FHIT: variants seen among roughly 807,000 people sequenced by gnomAD.
FHIT encodes fragile histidine triad diadenosine triphosphatase, also known as bis(5'-adenosyl)-triphosphatase.
In FHIT, 19 loss-of-function variants were observed where a neutral mutation model predicts 17.9. The ratio of observed to expected loss-of-function variants is 1.06; its 90% CI spans 0.74 to 1.56. The LOEUF is 1.56. Among genes scored for constraint, FHIT ranks in the 40% most tolerant of loss-of-function variants. FHIT has a pLI of 0.00. For missense variants in FHIT, 248 were observed against 189.2 expected (o/e 1.31, Z -1.82); for synonymous variants, 81 against 69.7 (o/e 1.16, Z -0.81).
intron 8 of FHIT, among the ~76,000 whole-genome samples, chr3:59,812,443 A>C (rs570727833): frequency 9.8e-5 from 15 of 152,308 alleles, no homozygotes; most frequent in African/African-American, 3.6e-4. Flanking sequence ...CTAAAAGCCA[A>C]GCGCTGGGCA....
intron 3 of FHIT, among the ~76,000 whole-genome samples, chr3:60,966,121 C>T (rs1255050765): frequency 2.6e-5 from 4 of 152,192 alleles, no homozygotes; most frequent in Admixed American, 6.5e-5. Flanking sequence ...TGTTTACCCA[C>T]TCAAGCCTCA....
At chr3:59,988,024 CTT>C (rs1323867223) in intron 7 of FHIT, among the ~76,000 whole-genome samples, 1 of 152,034 alleles carries the variant, frequency 6.6e-6, no homozygotes, top group African/African-American at 2.4e-5. Flanking sequence ...AAGTCCCTCT[CTT>C]TTGTTTCCTG....
chr3:60,907,145 C>CA (rs548321154), intron 3 of FHIT, among the ~76,000 whole-genome samples: 235 of 150,594 alleles, frequency 1.6e-3, no homozygotes, highest in Non-Finnish European at 2.0e-3. Context: ...AAACACAAAA[C>CA]AAAAAAAAAC....
chr3:60,738,229 C>T (rs1289080315), intron 4 of FHIT, among the ~76,000 whole-genome samples: 3 of 152,104 alleles, frequency 2.0e-5, no homozygotes, highest in Non-Finnish European at 2.9e-5. Context: ...CAGAGCTGTG[C>T]GAACATGATA....
At position 60,666,727 on chromosome 3, in the gene FHIT, G is replaced by A. The variant is rs560647102; in HGVS notation, c.-17-129748C>T. 8.2e-4 allele frequency among the ~76,000 whole-genome samples: 125 copies of A among 152,256 alleles called. 1 individual carries two copies. The highest frequency in any genetic ancestry group is 1.1e-3 in the Non-Finnish European group (74 of 68,020). On this transcript the variant is annotated intron_variant, in intron 4 of 9. Coordinates refer to ENST00000492590, the MANE Select transcript of FHIT (RefSeq NM_002012.4). ...TCTATCACCCAGGCTGGAGTATAGT[G>A]GCACAATCACAGCTCACTGCATGCA...
intron 7 of FHIT, among the ~76,000 whole-genome samples, chr3:59,933,538 G>T (rs1268845543): frequency 6.6e-6 from 1 of 152,048 alleles, no homozygotes; most frequent in Non-Finnish European, 1.5e-5. Context: ...TCACCAAGCT[G>T]GCAAAAGTGG....
At chr3:61,135,996 A>G (rs1264282047) in intron 2 of FHIT, among the ~76,000 whole-genome samples, 1 of 152,150 alleles carries the variant, frequency 6.6e-6, no homozygotes, top group Non-Finnish European at 1.5e-5. Flanking sequence ...GAGGCTCATG[A>G]TCATGCTGGA....
intron 5 of FHIT, among the ~76,000 whole-genome samples, chr3:60,227,155 A>G (rs763414954): frequency 8.5e-5 from 13 of 152,124 alleles, no homozygotes; most frequent in Non-Finnish European, 1.6e-4. Context: ...GGCTGGGGCA[A>G]TGAGCTGTGA....
chr3:61,211,788 G>A lies in FHIT; in HGVS notation c.-212-11123C>T, dbSNP rs573653027. ...GGGCTGACTGACACCTCACACGGCCGGGTACTCCTCTGAGACAAAACTTCC... is the reference window on the plus strand; with the variant it reads ...GGGCTGACTGACACCTCACACGGCCAGGTACTCCTCTGAGACAAAACTTCC... On this transcript the variant is annotated intron_variant, in intron 1 of 9. Transcript: ENST00000492590. Among the ~76,000 whole-genome samples, 31 of 152,136 alleles carry A rather than the reference G, an allele frequency of 2.0e-4. 1 individual carries two copies. The highest frequency in any genetic ancestry group is 1.2e-3 in the Admixed American group (18 of 15,268).
intron 5 of FHIT, among the ~76,000 whole-genome samples, chr3:60,067,715 T>TG (rs1180018647): frequency 6.6e-5 from 10 of 152,178 alleles, no homozygotes; most frequent in Non-Finnish European, 1.0e-4. Context: ...TCAAGTGTTG[T>TG]GGTATACTGG....
At chr3:60,978,177 A>T (rs1156512099) in intron 3 of FHIT, among the ~76,000 whole-genome samples, 1 of 152,134 alleles carries the variant, frequency 6.6e-6, no homozygotes, top group African/African-American at 2.4e-5. Context: ...TCCTTAAAGA[A>T]CCCAAGATGA....
At chr3:59,829,441 A>G (rs958996180) in intron 8 of FHIT, among the ~76,000 whole-genome samples, 1 of 152,094 alleles carries the variant, frequency 6.6e-6, no homozygotes, top group Non-Finnish European at 1.5e-5. Flanking sequence ...TCAAAATTAG[A>G]TCTGTGGGAG....
At chr3:60,436,811 A>AT (rs1353779171) in intron 5 of FHIT, among the ~76,000 whole-genome samples, 1 of 152,068 alleles carries the variant, frequency 6.6e-6, no homozygotes, top group Non-Finnish European at 1.5e-5. Flanking sequence ...AATTTTATTC[A>AT]TTTTTTACAA....
At chr3:61,210,363 G>T (rs1189899662) in intron 1 of FHIT, among the ~76,000 whole-genome samples, 1 of 152,214 alleles carries the variant, frequency 6.6e-6, no homozygotes, top group Non-Finnish European at 1.5e-5. Flanking sequence ...GTCTGCAGAG[G>T]TTACTGCTGC....
intron 5 of FHIT, among the ~76,000 whole-genome samples, chr3:60,073,076 G>A (rs1020304024): frequency 6.6e-6 from 1 of 152,084 alleles, no homozygotes; most frequent in South Asian, 2.1e-4. Flanking sequence ...TTCCTATTGG[G>A]GGAAATTTCT....
intron 8 of FHIT, among the ~76,000 whole-genome samples, chr3:59,839,672 G>C (rs1370183954): frequency 6.6e-6 from 1 of 152,042 alleles, no homozygotes; most frequent in Non-Finnish European, 1.5e-5. Context: ...TCTCTTCTGG[G>C]AAGATCTACT....
chr3:60,505,103 C>A (rs748049698), intron 5 of FHIT, among the ~76,000 whole-genome samples: 1 of 152,096 alleles, frequency 6.6e-6, no homozygotes, highest in Non-Finnish European at 1.5e-5. Context: ...AGATCATGAG[C>A]TGTAAAAACA....
chr3:60,830,827 C>A (rs561151253), intron 3 of FHIT, among the ~76,000 whole-genome samples: 116 of 152,180 alleles, frequency 7.6e-4, no homozygotes, highest in Non-Finnish European at 1.5e-3. Context: ...AATTCACACA[C>A]ACACACACAA....
At chr3:61,001,652 T>C (rs950863711) in intron 3 of FHIT, among the ~76,000 whole-genome samples, 2 of 152,154 alleles carry the variant, frequency 1.3e-5, no homozygotes, top group Non-Finnish European at 2.9e-5. Context: ...TTGTTCAGAA[T>C]GGGGTAGGGA....
Sources: gnomAD v4.1 joint callset for allele counts (sites outside exome capture counted in the v4.1 genomes callset) on GRCh38, gnomAD v4.1.1 for gene constraint, MANE v1.5 for transcripts, NCBI Gene and HGNC (gene_info 2026-07-23, HGNC 2026-07-21) for gene names.